RB1: variants seen among roughly 807,000 people sequenced by gnomAD.
The protein encoded by RB1 is retinoblastoma-associated protein.
Under a neutral mutation model 135.4 loss-of-function variants are expected in RB1, and 18 were observed. That is an observed-to-expected ratio of 0.13 (90% CI 0.09 to 0.20). The LOEUF is 0.20. Among genes scored for constraint, RB1 ranks in the 10% least tolerant of loss-of-function variants. The pLI, the probability that RB1 is intolerant of heterozygous loss-of-function variation, is 1.00. For missense variants in RB1, 868 were observed against 1,110.0 expected (o/e 0.78, Z 3.10); for synonymous variants, 365 against 373.2 (o/e 0.98, Z 0.25).
chr13:48,414,325 C>T (rs1443494400), intron 17 of RB1, among the ~76,000 whole-genome samples: 1 of 145,856 alleles, frequency 6.9e-6, no homozygotes, highest in African/African-American at 2.6e-5. Flanking sequence ...CCAGCCTGGG[C>T]GACAGCGAGA....
At position 48,319,131 on chromosome 13, in the gene RB1, T is replaced by C. The variant is rs1449069412; in HGVS notation, c.264+11725T>C. 3.3e-6 allele frequency: 2 copies of C among 606,810 alleles called. No homozygotes were observed. Among genetic ancestry groups the C allele is most frequent in the Non-Finnish European group, 6.0e-6 (2 of 331,376 alleles). 37.6% of individuals were successfully genotyped at this position (606,810 alleles called of 1,614,324 possible). A position where few individuals can be genotyped will look rare whatever the true frequency, so the allele number is the denominator to read the frequency against. On this transcript the variant is annotated intron_variant, in intron 2 of 26. Transcript: ENST00000267163. This position sits in a 1 kb window ranked among gnomAD's most constrained non-coding sequence, Gnocchi z 5.0. ...GGGCTCGCTGGAGGCGGAGCTTTGG[T>C]TTCCTTCGGGAGCTTGTGGGGAATG... is the stretch of plus-strand genomic sequence containing the variant.
At chr13:48,337,323 TG>T (rs1952394461) in intron 2 of RB1, among the ~76,000 whole-genome samples, 1 of 152,208 alleles carries the variant, frequency 6.6e-6, no homozygotes, top group South Asian at 2.1e-4. Flanking sequence ...TAAGTCTCTT[TG>T]TAGGTCTCTA....
chr13:48,367,139 G>C (rs201678683), intron 9 of RB1, among the ~76,000 whole-genome samples: 5 of 107,018 alleles, frequency 4.7e-5, no homozygotes, highest in Non-Finnish European at 8.3e-5. Context: ...AAAAAAAAAA[G>C]ATTAAAAGTA....
At chr13:48,376,793 A>C (rs573102137) in intron 12 of RB1, 125 bp from the exon 13 acceptor site, 2 of 1,414,616 alleles carry the variant, frequency 1.4e-6, no homozygotes, top group South Asian at 2.4e-5. Flanking sequence ...GTGGTTACCT[A>C]GTTATTATGG....
At chr13:48,386,170 A>G (rs1566201203) in intron 17 of RB1, among the ~76,000 whole-genome samples, 1 of 152,090 alleles carries the variant, frequency 6.6e-6, no homozygotes, top group Non-Finnish European at 1.5e-5. Flanking sequence ...CAAAAAAACT[A>G]GAATGGGAGC....
intron 11 of RB1, 65 bp from the exon 12 acceptor site, chr13:48,373,340 A>G: frequency 1.0e-6 from 1 of 980,850 alleles, no homozygotes; most frequent in Non-Finnish European, 1.6e-6. Context: ...GATGGAAAAC[A>G]TTTCATTTTT....
At chr13:48,382,668 T>C (rs1265711135) in intron 17 of RB1, among the ~76,000 whole-genome samples, 1 of 152,246 alleles carries the variant, frequency 6.6e-6, no homozygotes, top group African/African-American at 2.4e-5. Context: ...GATCGTAGTT[T>C]CTTTTGCTGT....
intron 7 of RB1, among the ~76,000 whole-genome samples, chr13:48,362,204 C>T (rs182222224): frequency 2.2e-4 from 33 of 152,084 alleles, no homozygotes; most frequent in Non-Finnish European, 3.7e-4. Context: ...CCTTGGCCTC[C>T]CAAAGTGCTA....
At chr13:48,320,056 A>T in intron 2 of RB1, 1 of 536,024 alleles carries the variant, frequency 1.9e-6, no homozygotes, top group Non-Finnish European at 3.4e-6. Context: ...GTGCGGCTCC[A>T]CTCTTTGCCT....
At chr13:48,356,293 G>A (rs375546810) in intron 6 of RB1, among the ~76,000 whole-genome samples, 1 of 151,874 alleles carries the variant, frequency 6.6e-6, no homozygotes, top group South Asian at 2.1e-4. Context: ...GTGCATTCAC[G>A]AATATAATTT....
Position 48,378,869 on chromosome 13 carries a change from C to A in RB1, c.1333-725C>A, listed in dbSNP as rs113378848. 3.3e-5 allele frequency among the ~76,000 whole-genome samples: 5 copies of A among 152,100 alleles called. 1 individual carries two copies. Among genetic ancestry groups the A allele is most frequent in the African/African-American group, 1.2e-4 (5 of 41,498 alleles). Reference sequence around the variant, plus strand: ...TGTTAGATATGCAGTCAGTTATTGACCAAAAACGTTGTTATGCGGTGCATG... The same window carrying A: ...TGTTAGATATGCAGTCAGTTATTGAACAAAAACGTTGTTATGCGGTGCATG... On this transcript the variant is annotated intron_variant, in intron 13 of 26. Coordinates refer to ENST00000267163, the MANE Select transcript of RB1 (RefSeq NM_000321.3).
At chr13:48,444,159 G>A (rs1304399601) in intron 17 of RB1, among the ~76,000 whole-genome samples, 1 of 152,020 alleles carries the variant, frequency 6.6e-6, no homozygotes, top group Non-Finnish European at 1.5e-5. Flanking sequence ...CTGACCTACT[G>A]GCTTCAAATT....
chr13:48,373,297 G>C (rs1952781317), intron 11 of RB1, 108 bp from the exon 12 acceptor site: 8 of 729,032 alleles, frequency 1.1e-5, no homozygotes, highest in Admixed American at 9.9e-5. Flanking sequence ...ACAAGTGGGA[G>C]GCAGTGTATT....
Position 48,464,982 on chromosome 13 carries a change from T to TTTTTTTTTTTTC in RB1, c.2212-16_2212-15insTTTTTTTTTTTC. ...ACTTTTTTTTTTTTTTTTTTTTTTTTACTGTTCTTCCTCAGACATTCAAAC... is the reference window on the plus strand; with the variant it reads ...ACTTTTTTTTTTTTTTTTTTTTTTTTTTTTTTTTTTTCACTGTTCTTCCTCAGACATTCAAAC... On this transcript the variant is annotated splice_polypyrimidine_tract_variant and intron_variant, in intron 21 of 26. Transcript: ENST00000267163. The TTTTTTTTTTTTC allele has an allele frequency of 7.4e-7, 1 of 1,345,334 alleles. No individual in the cohort carries two copies. The highest frequency in any genetic ancestry group is 1.4e-5 in the South Asian group (1 of 72,008). 83.3% of individuals were successfully genotyped at this position (1,345,334 alleles called of 1,614,324 possible). A position where few individuals can be genotyped will look rare whatever the true frequency, so the allele number is the denominator to read the frequency against.
At chr13:48,406,420 A>C (rs950804705) in intron 17 of RB1, 4 of 152,244 alleles carry the variant, frequency 2.6e-5, no homozygotes, top group African/African-American at 9.6e-5. Context: ...AGGACAAATC[A>C]GAAAAAAAGG....
chr13:48,401,823 G>C (rs1252827264), intron 17 of RB1, among the ~76,000 whole-genome samples: 1 of 152,038 alleles, frequency 6.6e-6, no homozygotes, highest in Non-Finnish European at 1.5e-5. Flanking sequence ...AAGTTTCAGT[G>C]GTTCTTATCT....
chr13:48,382,963 A>G (rs1948548320), intron 17 of RB1, among the ~76,000 whole-genome samples: 1 of 152,078 alleles, frequency 6.6e-6, no homozygotes, highest in African/African-American at 2.4e-5. Flanking sequence ...TCCTTTCTCC[A>G]TTTCTTGTTT....
Position 48,465,016 on chromosome 13 carries a change from A to G in RB1, c.2230A>G (p.Ile744Val), listed in dbSNP as rs1306675913. The G allele has an allele frequency of 7.4e-7, 1 of 1,354,064 alleles. No homozygotes were observed. The highest frequency in any genetic ancestry group is 1.2e-5 in the South Asian group (1 of 84,968). The allele number at this position is 1,354,064 out of a possible 1,614,324, so 83.9% of individuals were successfully genotyped here. Residue 744 changes from isoleucine (I) to valine (V), a missense_variant, in exon 22 of 27, where the codon ATC becomes GTC. Physicochemically the swap from Ile to Val is conservative, Grantham distance 29 (BLOSUM62 3). This residue lies in a region of RB1 where 196 missense variants were observed against 239.8 expected (regional missense o/e 0.82). Coordinates refer to ENST00000267163, the MANE Select transcript of RB1 (RefSeq NM_000321.3). ...AVQETFKRVL[I>V]KEEEYDSIIV... The stretch of plus-strand genomic sequence containing the variant: ...TCCTCAGACATTCAAACGTGTTTTG[A>G]TCAAAGAAGAGGAGTATGATTCTAT...
chr13:48,351,679 A>ATT (rs1351932338), intron 6 of RB1, among the ~76,000 whole-genome samples: 3 of 142,452 alleles, frequency 2.1e-5, no homozygotes, highest in African/African-American at 7.7e-5. Flanking sequence ...TCTAGGATCT[A>ATT]TTTTTTTTTT....
Sources: allele counts gnomAD v4.1 joint callset (sites outside exome capture counted in the v4.1 genomes callset), GRCh38; gene constraint gnomAD v4.1.1; regional missense constraint gnomAD v4.1.1; non-coding constraint Gnocchi (gnomAD v3.1); transcripts MANE v1.5; gene names NCBI Gene and HGNC (gene_info 2026-07-23, HGNC 2026-07-21).